The following NDUFA10 variants were observed in gnomAD, a reference collection of about 807,000 sequenced individuals.
NDUFA10 encodes NADH:ubiquinone oxidoreductase subunit A10, also known as NADH dehydrogenase [ubiquinone] 1 alpha subcomplex subunit 10, mitochondrial.
In NDUFA10, 40 loss-of-function variants were observed where a neutral mutation model predicts 47.8. The observed-to-expected ratio is 0.84, with a 90% confidence interval of 0.65 to 1.09. NDUFA10 has a LOEUF of 1.09. Among genes scored for constraint, NDUFA10 ranks in the 50% least tolerant of loss-of-function variants. NDUFA10 has a pLI of 0.00. For synonymous variants in NDUFA10, 183 were observed against 172.2 expected, an observed-to-expected ratio of 1.06 and a Z score of -0.49; for missense variants, 413 against 451.1, an observed-to-expected ratio of 0.92 and a Z score of 0.76.
intron 6 of NDUFA10, 60 bp from the exon 7 acceptor site, chr2:240,007,430 C>G: frequency 8.8e-7 from 1 of 1,134,642 alleles, no homozygotes; most frequent in Non-Finnish European, 1.3e-6. Flanking sequence ...GTTAAATGTA[C>G]AAATGAATAC....
chr2:239,912,412 T>C (rs1437862021), intron 4 of NDUFA10, among the ~76,000 whole-genome samples: 2 of 152,218 alleles, frequency 1.3e-5, no homozygotes, highest in Non-Finnish European at 2.9e-5. Flanking sequence ...GGTCAGCTCC[T>C]ACTTGGTGGT....
intron 9 of NDUFA10, among the ~76,000 whole-genome samples, chr2:239,971,847 C>T (rs191086717): frequency 5.9e-5 from 9 of 152,290 alleles, no homozygotes; most frequent in South Asian, 2.1e-4. Flanking sequence ...ACTACTTATA[C>T]GAGGTTTTAC....
chr2:240,011,455 CTGA>C (rs1423240757), intron 6 of NDUFA10, among the ~76,000 whole-genome samples, 159 bp downstream of exon 6: 11 of 152,306 alleles, frequency 7.2e-5, no homozygotes, highest in Admixed American at 2.0e-4. Flanking sequence ...AAAAATCAAA[CTGA>C]AATGTCTCCT....
intron 8 of NDUFA10, among the ~76,000 whole-genome samples, chr2:240,001,460 G>A (rs544447465): frequency 6.6e-6 from 1 of 152,248 alleles, no homozygotes; most frequent in East Asian, 1.9e-4. Flanking sequence ...CCCCACAACA[G>A]TCCTATGAGG....
At chr2:239,932,343 G>A (rs1418422186) in intron 4 of NDUFA10, among the ~76,000 whole-genome samples, 1 of 152,134 alleles carries the variant, frequency 6.6e-6, no homozygotes, top group Admixed American at 6.5e-5. Flanking sequence ...TCTGCATTCT[G>A]CTTTTCTTCT....
At chr2:239,956,809 C>T (rs1029131566), downstream of NDUFA10, among the ~76,000 whole-genome samples, 4 of 152,164 alleles carry the variant, frequency 2.6e-5, no homozygotes, top group East Asian at 1.9e-4. Context: ...GATGGTAGTC[C>T]GGCTCTCTAC....
intron 4 of NDUFA10, among the ~76,000 whole-genome samples, chr2:239,919,845 G>A (rs1297151412): frequency 6.6e-6 from 1 of 152,228 alleles, no homozygotes; most frequent in African/African-American, 2.4e-5. Flanking sequence ...GAATGCGGGG[G>A]AAGACACGGC....
At chr2:240,001,224 A>C (rs1165611264) in intron 8 of NDUFA10, among the ~76,000 whole-genome samples, 1 of 152,260 alleles carries the variant, frequency 6.6e-6, no homozygotes, top group Non-Finnish European at 1.5e-5. Flanking sequence ...AGGATAATTA[A>C]TGTAAATTAT....
chr2:239,957,346 A>G (rs1007060149), downstream of NDUFA10: 1 of 152,192 alleles, frequency 6.6e-6, no homozygotes, highest in Non-Finnish European at 1.5e-5. Context: ...AAAAGCTGGG[A>G]TTTTTAATAT....
chr2:239,911,098 C>T (rs914209186), intron 4 of NDUFA10, among the ~76,000 whole-genome samples: 3 of 152,342 alleles, frequency 2.0e-5, no homozygotes, highest in South Asian at 2.1e-4. Context: ...AGTCACACCA[C>T]GCTGGGGCCT....
At chr2:239,993,764 G>T (rs1284752692) in intron 8 of NDUFA10, among the ~76,000 whole-genome samples, 1 of 152,186 alleles carries the variant, frequency 6.6e-6, no homozygotes, top group Non-Finnish European at 1.5e-5. Flanking sequence ...ACTGAAAGTG[G>T]CACACTGACC....
At chr2:239,896,854 C>A (rs967516102) in intron 4 of NDUFA10, among the ~76,000 whole-genome samples, 1 of 152,098 alleles carries the variant, frequency 6.6e-6, no homozygotes, top group South Asian at 2.1e-4. Flanking sequence ...ATAGTTGGCA[C>A]AAGATTGGCA....
At chr2:239,957,318 A>G (rs1280298959), downstream of NDUFA10, 1 of 152,232 alleles carries the variant, frequency 6.6e-6, no homozygotes, top group Non-Finnish European at 1.5e-5. Flanking sequence ...TGCCAGAGGA[A>G]ACAGCTTTTT....
chr2:239,919,902 C>T (rs13404399), intron 4 of NDUFA10, among the ~76,000 whole-genome samples: 34,067 of 152,074 alleles, frequency 0.22, 5,327 homozygotes, highest in African/African-American at 0.45. Flanking sequence ...CATAGGGAGG[C>T]AAGGAGGCTG....
intron 9 of NDUFA10, among the ~76,000 whole-genome samples, chr2:239,968,078 G>A (rs1019560336): frequency 6.6e-6 from 1 of 152,130 alleles, no homozygotes; most frequent in African/African-American, 2.4e-5. Context: ...CTTTGAGAGA[G>A]ATGAACGAAG....
At chr2:239,999,465 TGCATGCGGGTTCCCC>T (rs1296769902) in intron 8 of NDUFA10, among the ~76,000 whole-genome samples, 2 of 152,178 alleles carry the variant, frequency 1.3e-5, no homozygotes, top group East Asian at 3.9e-4. Context: ...GCTGGTTCCC[TGCATGCGGGTTCCCC>T]ATCCCCCTCG....
At chr2:239,927,793 C>T (rs60493886) in intron 4 of NDUFA10, among the ~76,000 whole-genome samples, 3,172 of 152,210 alleles carry the variant, frequency 0.021, 102 homozygotes, top group African/African-American at 0.072. Flanking sequence ...ATGACATCAG[C>T]GTGGCAGCCG....
chr2:239,997,306 C>T (rs765090193), intron 8 of NDUFA10, among the ~76,000 whole-genome samples: 24 of 152,058 alleles, frequency 1.6e-4, no homozygotes, highest in Non-Finnish European at 2.6e-4. Context: ...AAAACAAAAA[C>T]CAGGTTCTTC....
At chr2:240,025,088 C>T in intron 1 of NDUFA10, 139 bp downstream of exon 1, 2 of 813,006 alleles carry the variant, frequency 2.5e-6, no homozygotes, top group South Asian at 4.2e-5. Context: ...ATTCCGGAGG[C>T]AGGAGGGGTC....
Sources: gnomAD v4.1 joint callset for allele counts (sites outside exome capture counted in the v4.1 genomes callset) on GRCh38, gnomAD v4.1.1 for gene constraint, MANE v1.5 for transcripts, NCBI Gene and HGNC (gene_info 2026-07-23, HGNC 2026-07-21) for gene names.